NEDD4L: variants seen among roughly 807,000 people sequenced by gnomAD.
NEDD4L encodes E3 ubiquitin-protein ligase NEDD4-like.
A neutral mutation model predicts 148.9 loss-of-function variants in NEDD4L; 54 were observed. The ratio of observed to expected loss-of-function variants is 0.36; its 90% confidence interval spans 0.29 to 0.45. NEDD4L has a LOEUF of 0.45. Among genes scored for constraint, NEDD4L ranks in the 20% least tolerant of loss-of-function variants. The probability of loss-of-function intolerance (pLI) is 1.00; values close to 1 mark genes in which losing one functional copy is unlikely to be tolerated. For synonymous variants in NEDD4L, 433 were observed against 440.7 expected, an observed-to-expected ratio of 0.98 and a Z score of 0.22; for missense variants, 856 against 1,233.8, an observed-to-expected ratio of 0.69 and a Z score of 4.59.
At chr18:58,331,634 T>G (rs1325543598) in intron 11 of NEDD4L, among the ~76,000 whole-genome samples, 1 of 152,006 alleles carries the variant, frequency 6.6e-6, no homozygotes, top group African/African-American at 2.4e-5. Context: ...CCATAGAAAA[T>G]CCCTGCTTGT....
intron 2 of NEDD4L, chr18:58,227,688 T>G (rs1444641664): frequency 6.4e-6 from 1 of 156,152 alleles, no homozygotes; most frequent in Non-Finnish European, 1.4e-5. Flanking sequence ...CCACTGTGGG[T>G]TTTTCCTACC....
At chr18:58,089,578 T>C (rs1469878171) in intron 1 of NEDD4L, among the ~76,000 whole-genome samples, 1 of 152,174 alleles carries the variant, frequency 6.6e-6, no homozygotes, top group East Asian at 1.9e-4. Flanking sequence ...AAATAACACT[T>C]GAACCTTTGG....
intron 5 of NEDD4L, among the ~76,000 whole-genome samples, chr18:58,254,483 T>C (rs1044914725): frequency 6.6e-6 from 1 of 151,806 alleles, no homozygotes; most frequent in Non-Finnish European, 1.5e-5. Context: ...ACTGTGGTAA[T>C]ATTGCTGACT....
chr18:58,170,149 C>G (rs1016008371), intron 2 of NEDD4L, among the ~76,000 whole-genome samples: 2 of 152,186 alleles, frequency 1.3e-5, no homozygotes, highest in Admixed American at 6.5e-5. Flanking sequence ...CTCACAGTCA[C>G]TAAATATGCC....
At chr18:58,093,005 T>A (rs1472182312) in intron 1 of NEDD4L, among the ~76,000 whole-genome samples, 2 of 151,850 alleles carry the variant, frequency 1.3e-5, no homozygotes, top group Admixed American at 6.6e-5. Context: ...GGACTACAGG[T>A]GCCCGCCACC....
At chr18:58,373,444 A>G (rs933382346) in intron 24 of NEDD4L, among the ~76,000 whole-genome samples, 175 bp downstream of exon 24, 10 of 152,218 alleles carry the variant, frequency 6.6e-5, no homozygotes, top group African/African-American at 2.2e-4. Flanking sequence ...CCACACTCCA[A>G]TTACAACCAT....
rs377156343 is a variant in NEDD4L, at chr18:58,401,059, G to A, written c.*4790G>A. The stretch of plus-strand genomic sequence containing the variant: ...TGTCCTGTGAATTTCAACCCTTGGA[G>A]CCTAAGAAAACCCTAGGAAGATGAT... On this transcript the variant is annotated 3_prime_UTR_variant, in exon 31 of 31. Transcript: ENST00000400345. The A allele has an allele frequency of 3.3e-5, 5 of 152,096 alleles. No individual in the cohort carries two copies. The East Asian group carries it at 5.8e-4, about 18-fold the overall frequency. The allele number at this position is 152,096 out of a possible 1,614,324, so 9.4% of individuals were successfully genotyped here.
chr18:58,166,514 G>A (rs7244444), intron 2 of NEDD4L, among the ~76,000 whole-genome samples: 4,050 of 152,320 alleles, frequency 0.027, 168 homozygotes, highest in African/African-American at 0.093. Context: ...CTAGAATTTA[G>A]CCAGATTTTG....
chr18:58,276,890 G>T (rs2052153792), intron 5 of NEDD4L, among the ~76,000 whole-genome samples: 1 of 151,988 alleles, frequency 6.6e-6, no homozygotes, highest in African/African-American at 2.4e-5. Context: ...CCCTGGTTAC[G>T]AGCCTTGATA....
At chr18:58,167,725 C>A (rs1211992180) in intron 2 of NEDD4L, among the ~76,000 whole-genome samples, 5 of 151,546 alleles carry the variant, frequency 3.3e-5, no homozygotes, top group Non-Finnish European at 7.4e-5. Flanking sequence ...GAAAAAAAAA[C>A]AAAAATTATC....
At chr18:58,202,611 G>A (rs979892440) in intron 2 of NEDD4L, among the ~76,000 whole-genome samples, 8 of 152,210 alleles carry the variant, frequency 5.3e-5, no homozygotes, top group Non-Finnish European at 1.2e-4. Flanking sequence ...CTCCTGGTGC[G>A]CTCCTCCAGC....
intron 2 of NEDD4L, among the ~76,000 whole-genome samples, chr18:58,173,672 T>G (rs2037768893): frequency 6.6e-6 from 1 of 152,210 alleles, no homozygotes; most frequent in African/African-American, 2.4e-5. Context: ...CAGAAGTGAA[T>G]TACAGACATC....
At position 58,242,733 on chromosome 18, in the gene NEDD4L, C is replaced by T. The variant is rs559731698; in HGVS notation, c.123-2694C>T. ...GTTGCCCAGGCTGGTCTTGAACCCCCGGGCTCAAGCGATCTGCCTGCCTCA... is the reference window on the plus strand; with the variant it reads ...GTTGCCCAGGCTGGTCTTGAACCCCTGGGCTCAAGCGATCTGCCTGCCTCA... On this transcript the variant is annotated intron_variant, in intron 2 of 30. Coordinates refer to ENST00000400345, the MANE Select transcript of NEDD4L (RefSeq NM_001144967.3). Among the ~76,000 whole-genome samples the T allele has an allele frequency of 5.6e-4, 85 of 152,196 alleles. 1 individual carries two copies. The South Asian group carries it at 0.012, about 21-fold the overall frequency.
chr18:58,256,819 G>A lies in NEDD4L; in HGVS notation c.297+4765G>A. The A allele has an allele frequency of 3.3e-6, 4 of 1,226,264 alleles. No homozygotes were observed. The highest frequency in any genetic ancestry group is 4.1e-5 in the South Asian group (1 of 24,194). The allele number at this position is 1,226,264 out of a possible 1,614,324, so 76.0% of individuals were successfully genotyped here. ...ACATGTGTTTACTGATTTCAACTTC[G>A]ATGCTTACTCTGCGGCGTAACCAAA... On this transcript the variant is annotated intron_variant, in intron 5 of 30. Transcript: ENST00000400345. This position sits in a 1 kb window ranked among gnomAD's most constrained non-coding sequence, Gnocchi z 5.2.
intron 5 of NEDD4L, among the ~76,000 whole-genome samples, chr18:58,309,477 T>G (rs1224968982): frequency 1.3e-5 from 2 of 152,146 alleles, no homozygotes; most frequent in African/African-American, 4.8e-5. Context: ...CCAGACCCTG[T>G]GGCTGCTGAG....
intron 18 of NEDD4L, among the ~76,000 whole-genome samples, chr18:58,356,956 T>G (rs942203202): frequency 1.3e-5 from 2 of 152,224 alleles, no homozygotes; most frequent in African/African-American, 2.4e-5. Flanking sequence ...AATAGATGGT[T>G]TATCTTTAGT....
intron 5 of NEDD4L, 69 bp from the exon 6 acceptor site, chr18:58,315,913 A>C: frequency 7.4e-7 from 1 of 1,348,190 alleles, no homozygotes; most frequent in South Asian, 1.2e-5. Context: ...TCATGATAAA[A>C]CATTTTTAGG....
chr18:58,195,418 C>T (rs1463398547), intron 2 of NEDD4L: 4 of 1,292,536 alleles, frequency 3.1e-6, no homozygotes, highest in African/African-American at 1.5e-5. Flanking sequence ...TTTGAATTTG[C>T]TCCCGATTCG....
At chr18:58,139,856 G>T (rs148007714) in intron 1 of NEDD4L, among the ~76,000 whole-genome samples, 4 of 152,344 alleles carry the variant, frequency 2.6e-5, no homozygotes, top group Non-Finnish European at 5.9e-5. Context: ...GCAGGCAGGA[G>T]TGGAGAGAGG....
Sources: allele counts gnomAD v4.1 joint callset (sites outside exome capture counted in the v4.1 genomes callset), GRCh38; gene constraint gnomAD v4.1.1; non-coding constraint Gnocchi (gnomAD v3.1); transcripts MANE v1.5; gene names NCBI Gene and HGNC (gene_info 2026-07-23, HGNC 2026-07-21).